Variants in P4HA1 observed in about 807,000 individuals in gnomAD.
The protein encoded by P4HA1 is prolyl 4-hydroxylase subunit alpha 1, also known as prolyl 4-hydroxylase subunit alpha-1.
P4HA1 carries 24 observed loss-of-function variants against 72.8 expected under a neutral mutation model. That is an observed-to-expected ratio of 0.33 (90% CI 0.24 to 0.46). P4HA1 has a LOEUF of 0.46. P4HA1 is among the 20% of genes least tolerant of loss of function. The pLI is 1.00. For missense variants in P4HA1, 446 were observed against 640.6 expected, an observed-to-expected ratio of 0.70 and a Z score of 3.28; for synonymous variants, 201 against 218.8, an observed-to-expected ratio of 0.92 and a Z score of 0.72.
chr10:73,056,979 G>C (rs1841165476), intron 5 of P4HA1, among the ~76,000 whole-genome samples: 1 of 149,766 alleles, frequency 6.7e-6, no homozygotes, highest in African/African-American at 2.5e-5. Context: ...AGAATGGTGT[G>C]AACCCAGGAG....
intron 9 of P4HA1, among the ~76,000 whole-genome samples, chr10:73,044,686 G>T (rs10823975): frequency 0.11 from 16,259 of 152,098 alleles, 1,244 homozygotes; most frequent in East Asian, 0.29. Flanking sequence ...AAGGGAAAAA[G>T]AAAACAAGTA....
At chr10:73,053,656 A>G (rs1184745310) in intron 5 of P4HA1, 66 bp from the exon 6 acceptor site, 2 of 1,392,180 alleles carry the variant, frequency 1.4e-6, no homozygotes, top group Admixed American at 2.0e-5. Flanking sequence ...TTAGGACTAC[A>G]CAGCTTTCAA....
intron 5 of P4HA1, among the ~76,000 whole-genome samples, chr10:73,057,171 G>A (rs1841170615): frequency 6.6e-6 from 1 of 151,402 alleles, no homozygotes. Context: ...AGTAGAGAGA[G>A]ATAAAAACAT....
chr10:73,043,974 A>C, intron 9 of P4HA1: 3 of 1,598,796 alleles, frequency 1.9e-6, no homozygotes, highest in Non-Finnish European at 2.6e-6. Flanking sequence ...AAAAAGAGAA[A>C]GGACAAGGAC....
chr10:73,027,881 G>T (rs1001699023), intron 10 of P4HA1, among the ~76,000 whole-genome samples: 7 of 142,874 alleles, frequency 4.9e-5, no homozygotes, highest in African/African-American at 1.8e-4. Context: ...AGGGAGGGAG[G>T]GAGGGACAGA....
intron 10 of P4HA1, among the ~76,000 whole-genome samples, chr10:73,025,489 C>A (rs1840244585): frequency 6.6e-6 from 1 of 152,046 alleles, no homozygotes; most frequent in African/African-American, 2.4e-5. Context: ...CTATTTATGA[C>A]AAACCCACAG....
intron 1 of P4HA1, among the ~76,000 whole-genome samples, chr10:73,093,874 ATATATATATATAT>A (rs1228564054): frequency 2.2e-4 from 6 of 27,710 alleles, no homozygotes; most frequent in African/African-American, 5.7e-4. Flanking sequence ...AAAAAAAAAA[ATATATATATATAT>A]ATATATATAT....
chr10:73,018,550 T>TA (rs1343488972), intron 10 of P4HA1, among the ~76,000 whole-genome samples: 3 of 152,142 alleles, frequency 2.0e-5, no homozygotes, highest in Admixed American at 6.5e-5. Context: ...GTTCCTGCTG[T>TA]ACCTGGCCTC....
At chr10:73,059,262 A>C (rs1841241032) in intron 5 of P4HA1, among the ~76,000 whole-genome samples, 2 of 151,670 alleles carry the variant, frequency 1.3e-5, no homozygotes, top group African/African-American at 4.8e-5. Flanking sequence ...TCTAGTTTGG[A>C]CTGTCAAAGA....
intron 5 of P4HA1, among the ~76,000 whole-genome samples, chr10:73,060,024 A>G (rs1390631513): frequency 1.3e-5 from 2 of 152,158 alleles, no homozygotes; most frequent in East Asian, 1.9e-4. Flanking sequence ...GAAATAAATG[A>G]ACTCAACTGT....
rs778734009 is a variant in P4HA1, at chr10:73,016,829, A to G, written c.1302+17T>C. ...TGCATAAGCCTCAGTGAATTTCTCC[A>G]TTTCTTTTTCACTTACCCGTGCAAA... On this transcript the variant is annotated intron_variant, in intron 11 of 14. Transcript: ENST00000394890. 6.3e-7 allele frequency: 1 copy of G among 1,584,178 alleles called. No individual in the cohort carries two copies. Among genetic ancestry groups the G allele is most frequent in the Non-Finnish European group, 8.7e-7 (1 of 1,153,364 alleles).
At chr10:73,026,329 G>A (rs531024625) in intron 10 of P4HA1, among the ~76,000 whole-genome samples, 51 of 152,100 alleles carry the variant, frequency 3.4e-4, no homozygotes, top group East Asian at 7.7e-4. Context: ...GATCTTTGAC[G>A]AACCTGACAA....
intron 10 of P4HA1, among the ~76,000 whole-genome samples, chr10:73,025,512 T>C (rs947739312): frequency 6.6e-6 from 1 of 152,112 alleles, no homozygotes; most frequent in African/African-American, 2.4e-5. Context: ...AATATCATAC[T>C]GAATGGGCAA....
rs202028614 is a variant in P4HA1 at position 73,016,802 on chromosome 10, A to C, written c.1302+44T>G. 37 of 1,383,664 alleles carry C rather than the reference A, an allele frequency of 2.7e-5. 1 individual carries two copies. Among genetic ancestry groups the C allele is most frequent in the Non-Finnish European group, 3.7e-5 (36 of 973,462 alleles). 85.7% of individuals were successfully genotyped at this position (1,383,664 alleles called of 1,614,324 possible). ...TGTTTTGTTTTGAGACAAACAATGT[A>C]ATGCATAAGCCTCAGTGAATTTCTC... On this transcript the variant is annotated intron_variant, in intron 11 of 14. Coordinates refer to ENST00000394890, the MANE Select transcript of P4HA1 (RefSeq NM_001017962.3).
At chr10:73,027,866 G>C (rs1236875533) in intron 10 of P4HA1, among the ~76,000 whole-genome samples, 2 of 121,142 alleles carry the variant, frequency 1.7e-5, no homozygotes, top group African/African-American at 6.2e-5. Flanking sequence ...GGGAGGGAGG[G>C]AGAGAGGGAG....
intron 11 of P4HA1, among the ~76,000 whole-genome samples, 176 bp from the exon 12 acceptor site, chr10:73,014,465 G>C (rs1839973296): frequency 6.6e-6 from 1 of 152,282 alleles, no homozygotes; most frequent in Admixed American, 6.5e-5. Flanking sequence ...GTAAGATGGA[G>C]TCTTGCTATG....
intron 9 of P4HA1, among the ~76,000 whole-genome samples, chr10:73,044,136 C>G (rs943627417): frequency 2.0e-5 from 3 of 152,068 alleles, no homozygotes; most frequent in African/African-American, 7.2e-5. Flanking sequence ...CAGCCACTTC[C>G]AAATCAAGAG....
Position 73,050,990 on chromosome 10 carries a change from G to T in P4HA1, c.900+63C>A, listed in dbSNP as rs779349715. The T allele has an allele frequency of 3.4e-5, 39 of 1,141,616 alleles. No individual in the cohort carries two copies. In the Middle Eastern group the frequency reaches 1.4e-3, roughly 41 times the overall value. 70.7% of individuals were successfully genotyped at this position (1,141,616 alleles called of 1,614,324 possible). ...AATATAAAATAACTGATTCTCTCCA[G>T]AACTGTGTACAAACACATACACACA... On this transcript the variant is annotated intron_variant, in intron 7 of 14. Transcript: ENST00000394890.
At chr10:73,094,305 A>AG (rs1589637527) in intron 1 of P4HA1, among the ~76,000 whole-genome samples, 1 of 152,314 alleles carries the variant, frequency 6.6e-6, no homozygotes, top group East Asian at 1.9e-4. Context: ...AACATTCAAT[A>AG]CTGCCTCAAG....
Sources: allele counts gnomAD v4.1 joint callset (sites outside exome capture counted in the v4.1 genomes callset), GRCh38; gene constraint gnomAD v4.1.1; transcripts MANE v1.5; gene names NCBI Gene and HGNC (gene_info 2026-07-23, HGNC 2026-07-21).